CELF2: variants seen among roughly 807,000 people sequenced by gnomAD.
CELF2 encodes the protein CUGBP Elav-like family member 2.
In CELF2, 8 loss-of-function variants were observed where a neutral mutation model predicts 62.6. The observed-to-expected ratio is 0.13, with a 90% confidence interval of 0.07 to 0.23. The LOEUF (loss-of-function observed/expected upper bound fraction) is 0.23, where lower values mean the gene tolerates loss of function less well. Among genes scored for constraint, CELF2 ranks in the 10% least tolerant of loss-of-function variants. The pLI is 1.00. For synonymous variants in CELF2, 258 were observed against 250.0 expected, an observed-to-expected ratio of 1.03 and a Z score of -0.30; for missense variants, 333 against 671.0, an observed-to-expected ratio of 0.50 and a Z score of 5.56.
At chr10:10,663,462 T>C in the CELF2 span, among the ~76,000 whole-genome samples, 1 of 152,184 alleles carries the variant, frequency 6.6e-6, no homozygotes, top group African/African-American at 2.4e-5. Flanking sequence ...CAAACTAATA[T>C]GACATTGATT....
chr10:11,049,500 G>C (rs2063497310), intron 1 of CELF2, among the ~76,000 whole-genome samples: 1 of 128,884 alleles, frequency 7.8e-6, no homozygotes, highest in African/African-American at 2.9e-5. Context: ...CGGGACCTCT[G>C]ATCTTCATTC....
chr10:10,558,903 C>T, the CELF2 span, among the ~76,000 whole-genome samples: 2 of 151,838 alleles, frequency 1.3e-5, no homozygotes, highest in Admixed American at 6.6e-5. Flanking sequence ...GCAGCTAGTC[C>T]GAACAGACTG....
At chr10:10,675,938 A>T in the CELF2 span, among the ~76,000 whole-genome samples, 1 of 152,108 alleles carries the variant, frequency 6.6e-6, no homozygotes, top group Non-Finnish European at 1.5e-5. Context: ...GATAATTCCA[A>T]CTTCCCAGTA....
At chr10:10,646,483 C>T in the CELF2 span, among the ~76,000 whole-genome samples, 1 of 152,202 alleles carries the variant, frequency 6.6e-6, no homozygotes, top group Non-Finnish European at 1.5e-5. Context: ...ACTTTGCCCC[C>T]TCACTGCTTA....
At chr10:11,130,417 C>T (rs1241082009) in intron 1 of CELF2, among the ~76,000 whole-genome samples, 1 of 152,228 alleles carries the variant, frequency 6.6e-6, no homozygotes, top group Non-Finnish European at 1.5e-5. Context: ...CCCCTCCTTG[C>T]ACCCCAGGAT....
chr10:10,712,159 A>AC, the CELF2 span, among the ~76,000 whole-genome samples: 1 of 146,820 alleles, frequency 6.8e-6, no homozygotes, highest in Non-Finnish European at 1.5e-5. Context: ...AAAAAAAAAA[A>AC]AAAAAAAAAA....
At chr10:10,894,510 G>A (rs1318351885) in intron 1 of CELF2, among the ~76,000 whole-genome samples, 1 of 152,200 alleles carries the variant, frequency 6.6e-6, no homozygotes, top group Non-Finnish European at 1.5e-5. Context: ...AAGTTGAAAA[G>A]ATAATGTGAA....
intron 2 of CELF2, among the ~76,000 whole-genome samples, chr10:10,996,797 G>C (rs1234173275): frequency 6.6e-6 from 1 of 151,936 alleles, no homozygotes; most frequent in East Asian, 1.9e-4. Context: ...TTTTTTCTGG[G>C]CTGGTCTCTT....
At chr10:11,137,988 A>C (rs1374507675) in intron 1 of CELF2, among the ~76,000 whole-genome samples, 2 of 152,242 alleles carry the variant, frequency 1.3e-5, no homozygotes, top group African/African-American at 4.8e-5. Context: ...TAATTTGCAC[A>C]GTTTGTTAAT....
chr10:11,148,843 A>ACAC (rs2062755473), intron 1 of CELF2, among the ~76,000 whole-genome samples: 1 of 146,806 alleles, frequency 6.8e-6, no homozygotes, highest in African/African-American at 2.5e-5. Flanking sequence ...TCTTAAACCA[A>ACAC]ACACACACAC....
At chr10:10,723,402 A>C in the CELF2 span, among the ~76,000 whole-genome samples, 1 of 152,206 alleles carries the variant, frequency 6.6e-6, no homozygotes, top group Non-Finnish European at 1.5e-5. Context: ...CAGATGCATC[A>C]ACAGAGAGCT....
intron 1 of CELF2, among the ~76,000 whole-genome samples, chr10:10,853,504 T>A (rs575152635): frequency 6.6e-6 from 1 of 151,926 alleles, no homozygotes; most frequent in South Asian, 2.1e-4. Context: ...TCTCTGGAAG[T>A]CTAGGAAACA....
chr10:10,606,419 T>A, the CELF2 span, among the ~76,000 whole-genome samples: 1 of 152,190 alleles, frequency 6.6e-6, no homozygotes, highest in Non-Finnish European at 1.5e-5. Context: ...ATTTAATTAA[T>A]TAAATTAAAG....
rs139285623 is a variant in CELF2 at position 10,816,919 on chromosome 10, T to C, written c.53+18102T>C. ...GATAAAATATGCAAATATGCACTAC[T>C]CTGGCCCTTCCTTAAGAAAGAAAAT... On this transcript the variant is annotated intron_variant, in intron 1 of 13. Coordinates refer to the CELF2 transcript ENST00000636488. Among the ~76,000 whole-genome samples the C allele has an allele frequency of 1.3e-3, 201 of 152,346 alleles. 1 individual carries two copies. Among genetic ancestry groups the C allele is most frequent in the Admixed American group, 5.8e-3 (88 of 15,302 alleles).
chr10:11,259,585 C>G (rs2079859470), intron 5 of CELF2, among the ~76,000 whole-genome samples: 1 of 152,150 alleles, frequency 6.6e-6, no homozygotes, highest in Admixed American at 6.5e-5. Flanking sequence ...GATCCAGTAT[C>G]CGGGGCTCCT....
the CELF2 span, among the ~76,000 whole-genome samples, chr10:10,571,135 G>A: frequency 6.6e-6 from 1 of 152,168 alleles, no homozygotes; most frequent in South Asian, 2.1e-4. Flanking sequence ...CAAATGGCAG[G>A]CCAGCATCAG....
rs751126895 is a variant in CELF2, at chr10:11,319,110, C to G, written c.1097-2079C>G. On this transcript the variant is annotated intron_variant, in intron 10 of 12. Coordinates refer to ENST00000633077, the MANE Select transcript of CELF2 (RefSeq NM_001326342.2). This position sits in a 1 kb window ranked among gnomAD's most constrained non-coding sequence, Gnocchi z 4.4. Reference sequence around the variant, plus strand: ...AGATCCAAGCAGAGCGGCGAGTCGCCGCTCCTCTCCCGCCAGAATTTCCTC... The same window carrying G: ...AGATCCAAGCAGAGCGGCGAGTCGCGGCTCCTCTCCCGCCAGAATTTCCTC... 2.1e-6 allele frequency: 1 copy of G among 469,958 alleles called. No homozygotes were observed. Among genetic ancestry groups the G allele is most frequent in the South Asian group, 1.5e-5 (1 of 64,548 alleles). The allele number at this position is 469,958 out of a possible 1,614,324, so 29.1% of individuals were successfully genotyped here.
At position 10,947,670 on chromosome 10, in the gene CELF2, T is replaced by A. The variant is rs768249817; in HGVS notation, c.89+27671T>A. 4 of 152,414 alleles carry A rather than the reference T, an allele frequency of 2.6e-5. No homozygotes were observed. Among genetic ancestry groups the A allele is most frequent in the Non-Finnish European group, 4.4e-5 (3 of 68,034 alleles). The allele number at this position is 152,414 out of a possible 1,614,324, so 9.4% of individuals were successfully genotyped here. On this transcript the variant is annotated intron_variant, in intron 2 of 13. Transcript: ENST00000636488. The surrounding 1 kb of genome is among the most constrained non-coding windows in gnomAD (Gnocchi z 4.1). ...ATAAAGAAATGTATGAGGGGATGAG[T>A]GCCTACTGTGTAATCCCCGCTAGAC...
At chr10:10,741,675 C>A in the CELF2 span, among the ~76,000 whole-genome samples, 1 of 152,020 alleles carries the variant, frequency 6.6e-6, no homozygotes, top group South Asian at 2.1e-4. Flanking sequence ...AATCAGTGTT[C>A]AACAGGCCAG....
Sources: allele counts gnomAD v4.1 joint callset (sites outside exome capture counted in the v4.1 genomes callset), GRCh38; gene constraint gnomAD v4.1.1; non-coding constraint Gnocchi (gnomAD v3.1); transcripts MANE v1.5; gene names NCBI Gene and HGNC (gene_info 2026-07-23, HGNC 2026-07-21).